The following GLDC variants were observed in gnomAD, a reference collection of about 807,000 sequenced individuals.
GLDC encodes the protein glycine dehydrogenase (decarboxylating), mitochondrial.
A neutral mutation model predicts 121.3 loss-of-function variants in GLDC; 104 were observed. The observed-to-expected ratio is 0.86, with a 90% CI of 0.73 to 1.01. GLDC has a LOEUF of 1.01. Ranked by LOEUF, GLDC falls within the 50% of genes least tolerant of loss-of-function variation. The probability of loss-of-function intolerance (pLI) is 0.00; values close to 1 mark genes in which losing one functional copy is unlikely to be tolerated. For missense variants in GLDC, 1,429 were observed against 1,306.6 expected (o/e 1.09, Z -1.44); for synonymous variants, 546 against 480.6 (o/e 1.14, Z -1.78).
At chr9:6,622,428 G>C (rs937199600) in intron 2 of GLDC, among the ~76,000 whole-genome samples, 1 of 149,590 alleles carries the variant, frequency 6.7e-6, no homozygotes, top group Non-Finnish European at 1.5e-5. Flanking sequence ...TTTTTTGGTG[G>C]AGACGGGGTT....
At chr9:6,601,302 T>A (rs1818605659) in intron 8 of GLDC, among the ~76,000 whole-genome samples, 1 of 152,178 alleles carries the variant, frequency 6.6e-6, no homozygotes, top group Non-Finnish European at 1.5e-5. Context: ...CTGGAGAGGC[T>A]CCTTCTCAGT....
At chr9:6,555,296 C>T (rs558081251) in intron 18 of GLDC, among the ~76,000 whole-genome samples, 13 of 152,286 alleles carry the variant, frequency 8.5e-5, no homozygotes, top group Non-Finnish European at 1.3e-4. Flanking sequence ...GCAGTCTTCC[C>T]GAGATGACCC....
At chr9:6,616,748 G>C (rs1183225995) in intron 3 of GLDC, among the ~76,000 whole-genome samples, 2 of 152,210 alleles carry the variant, frequency 1.3e-5, no homozygotes, top group African/African-American at 2.4e-5. Context: ...AAGGCATTTA[G>C]TTCAGCTCAA....
chr9:6,627,920 C>T lies in GLDC; in HGVS notation c.335-7601G>A, dbSNP rs528751655. On this transcript the variant is annotated intron_variant, in intron 2 of 24. Coordinates refer to ENST00000321612, the MANE Select transcript of GLDC (RefSeq NM_000170.3). ...TGAAATATCACTTTGGCCAGATCTGCAGGAGAACAAACCCAGTGTACCTAG... is the reference window on the plus strand; with the variant it reads ...TGAAATATCACTTTGGCCAGATCTGTAGGAGAACAAACCCAGTGTACCTAG... 2.0e-5 allele frequency among the ~76,000 whole-genome samples: 3 copies of T among 152,270 alleles called. No individual in the cohort carries two copies. In the East Asian group the frequency reaches 5.8e-4, roughly 29 times the overall value.
At chr9:6,602,321 G>C (rs904199848) in intron 7 of GLDC, 116 bp from the exon 8 acceptor site, 19 of 725,248 alleles carry the variant, frequency 2.6e-5, no homozygotes, top group African/African-American at 2.3e-4. Context: ...ATGCACTTGG[G>C]TGCAAATTTA....
At position 6,553,120 on chromosome 9, in the gene GLDC, A is replaced by C. The variant is rs565425120; in HGVS notation, c.2457+248T>G. ...TCTGGAAAAATATATCTGATGTTTCAGTTTCTCTGATGTTAAACCCACTCT... is the reference window on the plus strand; with the variant it reads ...TCTGGAAAAATATATCTGATGTTTCCGTTTCTCTGATGTTAAACCCACTCT... On this transcript the variant is annotated intron_variant, in intron 20 of 24. Transcript: ENST00000321612. Among the ~76,000 whole-genome samples the C allele has an allele frequency of 1.7e-4, 26 of 152,296 alleles. No homozygotes were observed. In the South Asian group the frequency reaches 5.4e-3, roughly 32 times the overall value.
At chr9:6,623,377 C>T (rs1467556715) in intron 2 of GLDC, among the ~76,000 whole-genome samples, 7 of 145,288 alleles carry the variant, frequency 4.8e-5, no homozygotes, top group Non-Finnish European at 9.0e-5. Context: ...GGATTAAGGG[C>T]GGTGCAAGAT....
intron 2 of GLDC, among the ~76,000 whole-genome samples, chr9:6,629,958 T>TATATATATGTGTATATATATATATATA: frequency 1.3e-5 from 1 of 78,680 alleles, no homozygotes; most frequent in Non-Finnish European, 2.4e-5. Context: ...TATATATATA[T>TATATATATGTGTATATATATATATATA]TTTTTTTTTT....
chr9:6,554,502 C>A (rs1180561477), intron 19 of GLDC, among the ~76,000 whole-genome samples, 167 bp downstream of exon 19: 2 of 152,104 alleles, frequency 1.3e-5, no homozygotes, highest in Non-Finnish European at 2.9e-5. Flanking sequence ...TTTGGAAATC[C>A]CCTAAAAGCA....
intron 2 of GLDC, among the ~76,000 whole-genome samples, chr9:6,629,337 C>T (rs1305448964): frequency 6.6e-6 from 1 of 151,640 alleles, no homozygotes; most frequent in Non-Finnish European, 1.5e-5. Context: ...GCCTCAGCCT[C>T]CCGAGTAGCT....
intron 18 of GLDC, among the ~76,000 whole-genome samples, 166 bp downstream of exon 18, chr9:6,555,987 G>C (rs1015874170): frequency 6.6e-6 from 1 of 152,174 alleles, no homozygotes; most frequent in Admixed American, 6.5e-5. Flanking sequence ...GCTGATGCCA[G>C]GATAAGTGGC....
At chr9:6,558,808 C>CACT in intron 16 of GLDC, 124 bp from the exon 17 acceptor site, 1 of 1,001,672 alleles carries the variant, frequency 1.0e-6, no homozygotes, top group Non-Finnish European at 1.6e-6. Context: ...TTAGGCTGAA[C>CACT]ACTAGTGCTT....
At chr9:6,594,921 T>G in intron 9 of GLDC, 93 bp downstream of exon 9, 4 of 806,236 alleles carry the variant, frequency 5.0e-6, no homozygotes, top group Admixed American at 3.4e-5. Flanking sequence ...ACTTTTAATT[T>G]TGCATATAGT....
intron 22 of GLDC, among the ~76,000 whole-genome samples, chr9:6,539,206 G>T (rs1817200090): frequency 6.6e-6 from 1 of 152,070 alleles, no homozygotes; most frequent in Admixed American, 6.5e-5. Context: ...GGCTGGGCGT[G>T]CTGGCTCACA....
intron 2 of GLDC, chr9:6,639,517 C>A: frequency 1.2e-6 from 1 of 821,028 alleles, no homozygotes; most frequent in South Asian, 1.3e-5. Flanking sequence ...AAGGGCAACA[C>A]CCTGATTCGG....
At chr9:6,599,540 G>A (rs948916438) in intron 8 of GLDC, among the ~76,000 whole-genome samples, 1 of 151,880 alleles carries the variant, frequency 6.6e-6, no homozygotes, top group Non-Finnish European at 1.5e-5. Context: ...GACCAACATG[G>A]TGAAACCCTG....
At chr9:6,599,141 G>A (rs557563219) in intron 8 of GLDC, among the ~76,000 whole-genome samples, 3 of 150,462 alleles carry the variant, frequency 2.0e-5, no homozygotes, top group South Asian at 2.1e-4. Flanking sequence ...CCGACATCAC[G>A]CCATTGCACT....
At chr9:6,643,768 T>G (rs1049176917) in intron 2 of GLDC, among the ~76,000 whole-genome samples, 9 of 151,958 alleles carry the variant, frequency 5.9e-5, no homozygotes, top group Admixed American at 5.3e-4. Flanking sequence ...GCACAGTGAC[T>G]CGTGCCTGTA....
intron 4 of GLDC, 86 bp from the exon 5 acceptor site, chr9:6,606,755 G>A (rs1818742596): frequency 5.9e-6 from 5 of 842,676 alleles, no homozygotes. Flanking sequence ...ATAGTACCGA[G>A]GGTAAGTCTA....
Sources: gnomAD v4.1 joint callset for allele counts (sites outside exome capture counted in the v4.1 genomes callset) on GRCh38, gnomAD v4.1.1 for gene constraint, MANE v1.5 for transcripts, NCBI Gene and HGNC (gene_info 2026-07-23, HGNC 2026-07-21) for gene names.